The following SLC9A9 variants were observed in gnomAD, a reference collection of about 807,000 sequenced individuals.
SLC9A9 encodes the protein sodium/hydrogen exchanger 9.
A neutral mutation model predicts 77.8 loss-of-function variants in SLC9A9; 62 were observed. The ratio of observed to expected loss-of-function variants is 0.80; its 90% CI spans 0.65 to 0.98. SLC9A9 has a LOEUF of 0.98. Among genes scored for constraint, SLC9A9 ranks in the 50% least tolerant of loss-of-function variants. The pLI is 0.00. For missense variants in SLC9A9, 775 were observed against 774.9 expected, an observed-to-expected ratio of 1.00 and a Z score of 0.00; for synonymous variants, 320 against 283.5, an observed-to-expected ratio of 1.13 and a Z score of -1.29.
chr3:143,558,737 C>G (rs1419436673), intron 8 of SLC9A9, among the ~76,000 whole-genome samples: 1 of 152,092 alleles, frequency 6.6e-6, no homozygotes. Context: ...AGGGACTTGC[C>G]TTGTCTCAGA....
chr3:143,295,737 C>T (rs1406785413), intron 14 of SLC9A9, among the ~76,000 whole-genome samples: 1 of 152,100 alleles, frequency 6.6e-6, no homozygotes, highest in Non-Finnish European at 1.5e-5. Context: ...TCTTTCCTTC[C>T]CTCTCTTTCA....
At chr3:143,668,721 G>T (rs74694153) in intron 5 of SLC9A9, among the ~76,000 whole-genome samples, 1,853 of 152,266 alleles carry the variant, frequency 0.012, 35 homozygotes, top group African/African-American at 0.042. Flanking sequence ...ATCTCTGAAG[G>T]TCACCCACCA....
intron 14 of SLC9A9, among the ~76,000 whole-genome samples, chr3:143,306,195 G>A (rs1022291905): frequency 2.2e-4 from 34 of 152,190 alleles, no homozygotes; most frequent in African/African-American, 6.0e-4. Context: ...CATAATGGGG[G>A]CACTGGACAG....
chr3:143,433,702 G>C (rs1211121422), intron 12 of SLC9A9, among the ~76,000 whole-genome samples: 2 of 152,192 alleles, frequency 1.3e-5, no homozygotes, highest in Non-Finnish European at 2.9e-5. Flanking sequence ...ATTAACTTAT[G>C]TTCTATTCGT....
chr3:143,824,457 C>G (rs1344951054), intron 2 of SLC9A9, among the ~76,000 whole-genome samples: 1 of 152,176 alleles, frequency 6.6e-6, no homozygotes, highest in East Asian at 1.9e-4. Flanking sequence ...CTCAGTGAGG[C>G]CTTCTCTGCA....
intron 1 of SLC9A9, among the ~76,000 whole-genome samples, chr3:143,839,525 C>T (rs983167884): frequency 3.7e-5 from 5 of 134,000 alleles, no homozygotes; most frequent in African/African-American, 1.4e-4. Flanking sequence ...CACACACACA[C>T]ACATCACAAG....
chr3:143,278,037 A>G (rs914097185), intron 14 of SLC9A9, among the ~76,000 whole-genome samples: 1 of 152,126 alleles, frequency 6.6e-6, no homozygotes, highest in Non-Finnish European at 1.5e-5. Context: ...TTGGCTCCCA[A>G]AATGGAGTGT....
chr3:143,624,496 C>T (rs140785583), intron 6 of SLC9A9, among the ~76,000 whole-genome samples: 124 of 152,264 alleles, frequency 8.1e-4, no homozygotes, highest in Middle Eastern at 3.4e-3. Context: ...AGCATATAAA[C>T]AAAACCAATG....
rs145774192 is a variant in SLC9A9 at position 143,330,665 on chromosome 3, G to A, written c.1604+32819C>T. ...CAGAAGTGACATATCCCATTGTCTT[G>A]TTTCCACAATGCTTAACTGTGTTAT... is the stretch of plus-strand genomic sequence containing the variant. On this transcript the variant is annotated intron_variant, in intron 14 of 15. Transcript: ENST00000316549. 2.6e-5 allele frequency among the ~76,000 whole-genome samples: 4 copies of A among 152,234 alleles called. No homozygotes were observed. The East Asian group carries it at 7.7e-4, about 29-fold the overall frequency.
At chr3:143,395,021 G>A (rs1273345779) in intron 12 of SLC9A9, among the ~76,000 whole-genome samples, 1 of 152,144 alleles carries the variant, frequency 6.6e-6, no homozygotes, top group African/African-American at 2.4e-5. Flanking sequence ...TGGCCATACT[G>A]CCCAAGGTAA....
intron 6 of SLC9A9, among the ~76,000 whole-genome samples, chr3:143,606,335 A>T (rs1295697857): frequency 6.6e-6 from 1 of 150,606 alleles, no homozygotes; most frequent in East Asian, 2.0e-4. Flanking sequence ...AACCTGGGGG[A>T]ACGAGATGGA....
intron 14 of SLC9A9, among the ~76,000 whole-genome samples, chr3:143,314,867 A>T (rs912959771): frequency 7.2e-5 from 11 of 152,228 alleles, no homozygotes; most frequent in Admixed American, 6.5e-4. Context: ...CTTGGTGATT[A>T]ACCTCAGAGC....
chr3:143,300,249 T>TTC (rs2030465230), intron 14 of SLC9A9, among the ~76,000 whole-genome samples: 1 of 152,188 alleles, frequency 6.6e-6, no homozygotes, highest in African/African-American at 2.4e-5. Context: ...AGGGACAGAG[T>TTC]ATTTGCACCT....
chr3:143,635,138 G>T (rs990643580), intron 6 of SLC9A9, among the ~76,000 whole-genome samples: 1 of 152,160 alleles, frequency 6.6e-6, no homozygotes, highest in African/African-American at 2.4e-5. Flanking sequence ...GCTTGAATGG[G>T]GTTGCAGGAT....
chr3:143,266,691 C>T lies in SLC9A9; in HGVS notation c.*11G>A, dbSNP rs764799818. On this transcript the variant is annotated 3_prime_UTR_variant, in exon 16 of 16. Coordinates refer to ENST00000316549, the MANE Select transcript of SLC9A9 (RefSeq NM_173653.4). ...CATTACTTGTGATTACATCTGTACT[C>T]TTCATGCCAATTAATTCAACTGGGA... The T allele has an allele frequency of 8.1e-6, 13 of 1,613,768 alleles. No homozygotes were observed. In the African/African-American group the frequency reaches 1.6e-4, roughly 20 times the overall value.
At chr3:143,698,629 T>C (rs1381358846) in intron 4 of SLC9A9, among the ~76,000 whole-genome samples, 1 of 152,248 alleles carries the variant, frequency 6.6e-6, no homozygotes, top group South Asian at 2.1e-4. Context: ...GAAGTTTTAA[T>C]TGTTTGGATG....
intron 4 of SLC9A9, among the ~76,000 whole-genome samples, chr3:143,695,454 T>A (rs1933607040): frequency 6.6e-6 from 1 of 152,062 alleles, no homozygotes; most frequent in African/African-American, 2.4e-5. Context: ...TCTGTTCCTG[T>A]GTTAGTTTGC....
At chr3:143,705,968 A>G (rs1354225169) in intron 4 of SLC9A9, among the ~76,000 whole-genome samples, 2 of 152,250 alleles carry the variant, frequency 1.3e-5, no homozygotes, top group Admixed American at 1.3e-4. Flanking sequence ...ACGAGAGGTC[A>G]GATCATATCC....
chr3:143,618,609 C>T (rs939727545), intron 6 of SLC9A9, among the ~76,000 whole-genome samples: 13 of 152,082 alleles, frequency 8.5e-5, no homozygotes, highest in African/African-American at 3.1e-4. Context: ...GAGAGGTGGC[C>T]TTAGGACCAA....
Sources: allele counts gnomAD v4.1 joint callset (sites outside exome capture counted in the v4.1 genomes callset), GRCh38; gene constraint gnomAD v4.1.1; transcripts MANE v1.5; gene names NCBI Gene and HGNC (gene_info 2026-07-23, HGNC 2026-07-21).